Variants in BPTF observed in about 807,000 individuals in gnomAD.
The protein encoded by BPTF is bromodomain PHD finger transcription factor.
A neutral mutation model predicts 292.5 loss-of-function variants in BPTF; 18 were observed. The ratio of observed to expected loss-of-function variants is 0.06; its 90% CI spans 0.04 to 0.09. BPTF has a LOEUF of 0.09. Among genes scored for constraint, BPTF ranks in the 10% least tolerant of loss-of-function variants. The pLI, the probability that BPTF is intolerant of heterozygous loss-of-function variation, is 1.00. For missense variants in BPTF, 2,726 were observed against 3,498.7 expected, an observed-to-expected ratio of 0.78 and a Z score of 5.57; for synonymous variants, 1,225 against 1,251.9, an observed-to-expected ratio of 0.98 and a Z score of 0.45.
At position 67,925,450 on chromosome 17, in the gene BPTF, G is replaced by A. The variant is rs1326228087; in HGVS notation, c.5751+861G>A. Among the ~76,000 whole-genome samples, 3 of 152,106 alleles carry A rather than the reference G, an allele frequency of 2.0e-5. No individual in the cohort carries two copies. In the East Asian group the frequency reaches 5.8e-4, roughly 29 times the overall value. ...AGTCCAAGGCAGGAGGATCCCTTGA[G>A]TCCAGGGGTTTGAGACCAGCCTGGG... On this transcript the variant is annotated intron_variant, in intron 15 of 27. Transcript: ENST00000306378.
chr17:67,938,777 C>T (rs901336539), intron 18 of BPTF, among the ~76,000 whole-genome samples: 2 of 151,966 alleles, frequency 1.3e-5, no homozygotes, highest in Admixed American at 1.3e-4. Context: ...TTTAAAATTG[C>T]AAGTTTAGAA....
intron 4 of BPTF, among the ~76,000 whole-genome samples, chr17:67,887,557 T>G (rs555935989): frequency 6.6e-6 from 1 of 152,230 alleles, no homozygotes; most frequent in Non-Finnish European, 1.5e-5. Context: ...TATAACTTTG[T>G]TTTCAACCTA....
chr17:67,954,243 G>A (rs1270966719), intron 23 of BPTF, among the ~76,000 whole-genome samples: 1 of 151,778 alleles, frequency 6.6e-6, no homozygotes, highest in Non-Finnish European at 1.5e-5. Context: ...TGCCCAGGCT[G>A]GTCTCAGAAT....
At chr17:67,942,047 C>T (rs1247985213) in intron 19 of BPTF, among the ~76,000 whole-genome samples, 1 of 152,172 alleles carries the variant, frequency 6.6e-6, no homozygotes, top group South Asian at 2.1e-4. Context: ...CACCTGTAAT[C>T]CCAGCACTTT....
Position 67,982,118 on chromosome 17 carries a change from T to C in BPTF, c.8727-134T>C, listed in dbSNP as rs2070489735. ...TAAAATTTTCTTAATCGTTCTTTTC[T>C]ATTCGCTTGCCAAGGGTGAATGAAA... On this transcript the variant is annotated intron_variant, in intron 27 of 27. Coordinates refer to ENST00000306378, the MANE Select transcript of BPTF (RefSeq NM_182641.4). 8 of 807,754 alleles carry C rather than the reference T, an allele frequency of 9.9e-6. No individual in the cohort carries two copies. The East Asian group carries it at 2.1e-4, about 21-fold the overall frequency. The allele number at this position is 807,754 out of a possible 1,614,324, so 50.0% of individuals were successfully genotyped here.
intron 24 of BPTF, among the ~76,000 whole-genome samples, 181 bp from the exon 25 acceptor site, chr17:67,964,030 CT>C (rs1555685409): frequency 6.6e-6 from 1 of 152,124 alleles, no homozygotes; most frequent in African/African-American, 2.4e-5. Context: ...TTTTTTACTG[CT>C]TGTTCTTAAC....
At chr17:67,834,642 C>G (rs1489435016) in intron 1 of BPTF, among the ~76,000 whole-genome samples, 1 of 152,112 alleles carries the variant, frequency 6.6e-6, no homozygotes, top group African/African-American at 2.4e-5. Flanking sequence ...TTATTTTATC[C>G]TCTTAATTAT....
chr17:67,940,169 T>G (rs776352191), intron 18 of BPTF, among the ~76,000 whole-genome samples: 1 of 152,200 alleles, frequency 6.6e-6, no homozygotes, highest in Non-Finnish European at 1.5e-5. Flanking sequence ...CATTTTGGTT[T>G]TAGATTTATA....
intron 3 of BPTF, among the ~76,000 whole-genome samples, chr17:67,874,214 A>G (rs553153072): frequency 1.2e-4 from 18 of 152,300 alleles, no homozygotes; most frequent in African/African-American, 4.1e-4. Context: ...CGTGGTCTAT[A>G]ACATGCCATA....
At chr17:67,858,252 G>A (rs1350597605) in intron 2 of BPTF, among the ~76,000 whole-genome samples, 1 of 152,212 alleles carries the variant, frequency 6.6e-6, no homozygotes, top group African/African-American at 2.4e-5. Flanking sequence ...TGTAAAATAT[G>A]TGTAACTTTT....
At chr17:67,900,748 G>A (rs536466321) in intron 7 of BPTF, among the ~76,000 whole-genome samples, 15 of 152,154 alleles carry the variant, frequency 9.9e-5, no homozygotes, top group East Asian at 5.8e-4. Context: ...AGTAGCTCAC[G>A]CCTGTAATCC....
intron 4 of BPTF, among the ~76,000 whole-genome samples, chr17:67,884,112 A>G (rs886402044): frequency 3.4e-5 from 5 of 148,850 alleles, no homozygotes; most frequent in African/African-American, 1.2e-4. Flanking sequence ...TATTCAACCA[A>G]TGCCCTATTG....
chr17:67,869,693 A>G (rs1051140667), intron 3 of BPTF, among the ~76,000 whole-genome samples: 4 of 152,028 alleles, frequency 2.6e-5, no homozygotes, highest in Non-Finnish European at 5.9e-5. Flanking sequence ...TTTAAAAATT[A>G]GTTAAACCGG....
chr17:67,851,272 CTT>C (rs57971998), intron 1 of BPTF, among the ~76,000 whole-genome samples: 53 of 129,852 alleles, frequency 4.1e-4, no homozygotes, highest in African/African-American at 4.9e-4. Context: ...CGATTTTCTG[CTT>C]TTTTTTTTTT....
intron 11 of BPTF, among the ~76,000 whole-genome samples, chr17:67,913,609 G>A (rs892328537): frequency 3.9e-5 from 6 of 152,076 alleles, no homozygotes; most frequent in African/African-American, 1.2e-4. Flanking sequence ...ATTTCATAAA[G>A]CTTATCATAA....
chr17:67,885,645 T>A (rs1158111897), intron 4 of BPTF, among the ~76,000 whole-genome samples: 2 of 152,230 alleles, frequency 1.3e-5, no homozygotes, highest in Non-Finnish European at 2.9e-5. Context: ...TTGGGCATAG[T>A]ATTCAGGCAG....
intron 4 of BPTF, among the ~76,000 whole-genome samples, chr17:67,890,506 T>C (rs907832256): frequency 6.6e-6 from 1 of 152,190 alleles, no homozygotes; most frequent in African/African-American, 2.4e-5. Context: ...AAAAGGATGC[T>C]GAGAGGATTG....
intron 5 of BPTF, among the ~76,000 whole-genome samples, chr17:67,892,343 G>A (rs1465260850): frequency 1.3e-5 from 2 of 152,156 alleles, no homozygotes; most frequent in African/African-American, 2.4e-5. Flanking sequence ...CATATGAGTA[G>A]GCTATTTTGG....
Position 67,825,504 on chromosome 17 carries a change from G to A in BPTF, c.-221G>A, listed in dbSNP as rs1294950822. ...CCTGCGGCCGCTGTCGGTTCCCCCA[G>A]TCACCGAGCGAGAGGGAAGAAACAA... On this transcript the variant is annotated 5_prime_UTR_variant, in exon 1 of 28. Coordinates refer to ENST00000306378, the MANE Select transcript of BPTF (RefSeq NM_182641.4). 1.2e-5 allele frequency: 5 copies of A among 417,528 alleles called. No homozygotes were observed. Among genetic ancestry groups the A allele is most frequent in the Non-Finnish European group, 2.4e-5 (5 of 212,362 alleles). 25.9% of individuals were successfully genotyped at this position (417,528 alleles called of 1,614,324 possible).
Sources: gnomAD v4.1 joint callset for allele counts (sites outside exome capture counted in the v4.1 genomes callset) on GRCh38, gnomAD v4.1.1 for gene constraint, MANE v1.5 for transcripts, NCBI Gene and HGNC (gene_info 2026-07-23, HGNC 2026-07-21) for gene names.